LINGO2: variants seen among roughly 807,000 people sequenced by gnomAD.
The protein encoded by LINGO2 is leucine rich repeat and Ig domain containing 2.
Under a neutral mutation model 30.6 loss-of-function variants are expected in LINGO2, and 14 were observed. That is an observed-to-expected ratio of 0.46 (90% CI 0.30 to 0.72). The LOEUF is 0.72. Ranked by LOEUF, LINGO2 falls within the 30% of genes least tolerant of loss-of-function variation. The pLI is 0.07. For synonymous variants in LINGO2, 317 were observed against 288.5 expected, an observed-to-expected ratio of 1.10 and a Z score of -1.00; for missense variants, 729 against 751.7, an observed-to-expected ratio of 0.97 and a Z score of 0.35.
chr9:28,024,889 C>T (rs1823302878), intron 4 of LINGO2, among the ~76,000 whole-genome samples: 1 of 152,136 alleles, frequency 6.6e-6, no homozygotes. Context: ...CAGGTCCTTA[C>T]TAGAGAGTAG....
At chr9:29,083,791 C>T in the LINGO2 span, among the ~76,000 whole-genome samples, 1 of 152,102 alleles carries the variant, frequency 6.6e-6, no homozygotes, top group Non-Finnish European at 1.5e-5. Context: ...CATTAAGCAT[C>T]TAGGTACAAG....
At chr9:28,295,615 T>G (rs1823894355) in intron 3 of LINGO2, among the ~76,000 whole-genome samples, 1 of 152,190 alleles carries the variant, frequency 6.6e-6, no homozygotes, top group South Asian at 2.1e-4. Flanking sequence ...CAGTTATTAA[T>G]GAACATTATT....
the LINGO2 span, among the ~76,000 whole-genome samples, chr9:28,991,363 T>G: frequency 2.6e-5 from 4 of 151,396 alleles, no homozygotes; most frequent in Non-Finnish European, 4.4e-5. Flanking sequence ...TATGGGACTA[T>G]GTGAAAAGAC....
At chr9:28,714,188 T>TATATATATATATATATACACACAC in the LINGO2 span, among the ~76,000 whole-genome samples, 1 of 73,382 alleles carries the variant, frequency 1.4e-5, no homozygotes, top group South Asian at 5.4e-4. Flanking sequence ...TATATATATA[T>TATATATATATATATATACACACAC]ACACACATAC....
At chr9:28,823,011 C>G in the LINGO2 span, among the ~76,000 whole-genome samples, 1 of 151,940 alleles carries the variant, frequency 6.6e-6, no homozygotes, top group African/African-American at 2.4e-5. Context: ...TATTAACATG[C>G]TTAATTCTCA....
chr9:28,103,398 G>A (rs1302580787), intron 4 of LINGO2, among the ~76,000 whole-genome samples: 1 of 152,164 alleles, frequency 6.6e-6, no homozygotes, highest in Non-Finnish European at 1.5e-5. Flanking sequence ...AGTTTTGGAA[G>A]TGAGATGATG....
At chr9:28,126,417 T>G (rs2133421560) in intron 4 of LINGO2, among the ~76,000 whole-genome samples, 1 of 152,300 alleles carries the variant, frequency 6.6e-6, no homozygotes, top group Non-Finnish European at 1.5e-5. Flanking sequence ...TATAATTCAT[T>G]AGATAACAAA....
intron 1 of LINGO2, among the ~76,000 whole-genome samples, chr9:28,545,456 G>T (rs536241923): frequency 6.6e-6 from 1 of 152,146 alleles, no homozygotes; most frequent in African/African-American, 2.4e-5. Flanking sequence ...GCAAAGGTAA[G>T]GGATCTGCAA....
intron 3 of LINGO2, among the ~76,000 whole-genome samples, chr9:28,307,160 C>T (rs921154802): frequency 1.5e-4 from 23 of 152,278 alleles, no homozygotes; most frequent in Admixed American, 1.1e-3. Context: ...CCCTGATGAA[C>T]ATTGATGCAA....
At chr9:28,042,167 ATAT>A (rs938426661) in intron 4 of LINGO2, among the ~76,000 whole-genome samples, 3 of 152,254 alleles carry the variant, frequency 2.0e-5, no homozygotes, top group African/African-American at 7.2e-5. Context: ...CAGGATCTAC[ATAT>A]TATTTACTTC....
At chr9:28,033,956 T>C (rs1203429883) in intron 4 of LINGO2, among the ~76,000 whole-genome samples, 1 of 152,200 alleles carries the variant, frequency 6.6e-6, no homozygotes, top group Non-Finnish European at 1.5e-5. Flanking sequence ...CACACTTCAA[T>C]ATCACCTTCT....
intron 2 of LINGO2, among the ~76,000 whole-genome samples, chr9:28,447,204 C>T (rs969726581): frequency 6.6e-6 from 1 of 152,084 alleles, no homozygotes; most frequent in Non-Finnish European, 1.5e-5. Flanking sequence ...TAGGTCTGGA[C>T]GTTTGTGTCC....
At chr9:28,039,266 G>T (rs147653942) in intron 4 of LINGO2, among the ~76,000 whole-genome samples, 1,533 of 152,204 alleles carry the variant, frequency 0.01, 11 homozygotes, top group Middle Eastern at 0.024. Context: ...TTAAGAAATT[G>T]GGCTAATAAA....
the LINGO2 span, among the ~76,000 whole-genome samples, chr9:28,865,012 C>T: frequency 1.3e-5 from 2 of 151,852 alleles, no homozygotes; most frequent in African/African-American, 2.4e-5. Context: ...GTGCTAAGAG[C>T]GTTGATTACA....
At chr9:28,648,672 G>T (rs965833595) in intron 1 of LINGO2, among the ~76,000 whole-genome samples, 5 of 151,954 alleles carry the variant, frequency 3.3e-5, no homozygotes, top group African/African-American at 1.2e-4. Context: ...TTCTCACAGT[G>T]GAGTAGAAAG....
chr9:28,687,935 G>C, the LINGO2 span, among the ~76,000 whole-genome samples: 34 of 152,160 alleles, frequency 2.2e-4, no homozygotes, highest in African/African-American at 7.7e-4. Flanking sequence ...TATGAGCAAA[G>C]ACTCTGTGAA....
intron 4 of LINGO2, among the ~76,000 whole-genome samples, chr9:28,161,064 A>G (rs1425264248): frequency 1.3e-5 from 2 of 152,160 alleles, no homozygotes; most frequent in African/African-American, 4.8e-5. Flanking sequence ...AACCAGACCA[A>G]ACTCCTGCCA....
the LINGO2 span, among the ~76,000 whole-genome samples, chr9:29,045,245 T>A: frequency 3.0e-3 from 456 of 152,226 alleles, 3 homozygotes; most frequent in African/African-American, 0.011. Context: ...AAATTGTTTA[T>A]CTCTGGAATG....
chr9:28,645,663 T>C (rs1402401682), intron 1 of LINGO2, among the ~76,000 whole-genome samples: 1 of 152,048 alleles, frequency 6.6e-6, no homozygotes, highest in African/African-American at 2.4e-5. Flanking sequence ...AGACAAGTAA[T>C]TGATGTGTTA....
Sources: allele counts gnomAD v4.1 joint callset (sites outside exome capture counted in the v4.1 genomes callset), GRCh38; gene constraint gnomAD v4.1.1; transcripts MANE v1.5; gene names NCBI Gene and HGNC (gene_info 2026-07-23, HGNC 2026-07-21).